Variants in KIF13B observed in about 807,000 individuals in gnomAD.
KIF13B encodes the protein kinesin family member 13B.
A neutral mutation model predicts 222.0 loss-of-function variants in KIF13B; 127 were observed. That is an observed-to-expected ratio of 0.57 (90% confidence interval 0.50 to 0.66). The LOEUF (loss-of-function observed/expected upper bound fraction) is 0.66. KIF13B is among the 30% of genes least tolerant of loss of function. The pLI, the probability that KIF13B is intolerant of heterozygous loss-of-function variation, is 0.00. For synonymous variants in KIF13B, 976 were observed against 919.0 expected (o/e 1.06, Z -1.12); for missense variants, 2,173 against 2,379.0 (o/e 0.91, Z 1.80).
chr8:29,076,408 C>G (rs1277854463), intron 37 of KIF13B, among the ~76,000 whole-genome samples: 2 of 152,226 alleles, frequency 1.3e-5, no homozygotes, highest in African/African-American at 2.4e-5. Flanking sequence ...GTGGACTCCA[C>G]GTCTCCCACC....
intron 36 of KIF13B, among the ~76,000 whole-genome samples, chr8:29,095,769 A>G (rs1323058388): frequency 6.6e-6 from 1 of 152,192 alleles, no homozygotes; most frequent in Non-Finnish European, 1.5e-5. Context: ...CTTCATCTCA[A>G]AAAAACAAAA....
At chr8:29,206,422 T>G (rs566628319) in intron 2 of KIF13B, among the ~76,000 whole-genome samples, 2 of 152,334 alleles carry the variant, frequency 1.3e-5, no homozygotes, top group East Asian at 3.9e-4. Flanking sequence ...AAACTGAAAT[T>G]CACTATAATT....
At chr8:29,162,846 T>C (rs1442639442) in intron 12 of KIF13B, among the ~76,000 whole-genome samples, 2 of 152,238 alleles carry the variant, frequency 1.3e-5, no homozygotes, top group African/African-American at 2.4e-5. Context: ...TTGCTTCTGA[T>C]ATCAGGGGTT....
chr8:29,193,164 G>A (rs1586907338), intron 3 of KIF13B, among the ~76,000 whole-genome samples: 3 of 152,314 alleles, frequency 2.0e-5, no homozygotes, highest in South Asian at 4.1e-4. Flanking sequence ...GGAAGTGAAA[G>A]CAGACCCCCA....
Position 29,071,556 on chromosome 8 carries a change from G to C in KIF13B, c.5218+64C>G. 7.0e-7 allele frequency: 1 copy of C among 1,420,512 alleles called. No homozygotes were observed. Among genetic ancestry groups the C allele is most frequent in the Non-Finnish European group, 9.6e-7 (1 of 1,041,332 alleles). 88.0% of individuals were successfully genotyped at this position (1,420,512 alleles called of 1,614,324 possible). A position where few individuals can be genotyped will look rare whatever the true frequency, so the allele number is the denominator to read the frequency against. ...CCCGGACCCTGTCCCCTCCCAGGCC[G>C]GCCACGTTCCTGCTTCCCCAGACCC... is the stretch of plus-strand genomic sequence containing the variant. On this transcript the variant is annotated intron_variant, in intron 39 of 39. Coordinates refer to ENST00000524189, the MANE Select transcript of KIF13B (RefSeq NM_015254.4). The surrounding 1 kb of genome is among the most constrained non-coding windows in gnomAD (Gnocchi z 4.9).
chr8:29,191,735 T>C (rs1813199232), intron 3 of KIF13B, among the ~76,000 whole-genome samples: 1 of 152,246 alleles, frequency 6.6e-6, no homozygotes, highest in Admixed American at 6.5e-5. Flanking sequence ...ATAGTTCTTT[T>C]GCACTGTTTG....
intron 10 of KIF13B, among the ~76,000 whole-genome samples, chr8:29,173,290 T>C (rs1014040075): frequency 1.3e-5 from 2 of 152,016 alleles, no homozygotes; most frequent in Non-Finnish European, 2.9e-5. Context: ...TCAGGAAATG[T>C]TTCTATGGAA....
At chr8:29,262,743 G>A (rs1816728810) in intron 1 of KIF13B, among the ~76,000 whole-genome samples, 2 of 150,228 alleles carry the variant, frequency 1.3e-5, no homozygotes, top group Admixed American at 1.3e-4. Context: ...GGGCAGCGGG[G>A]CCGGCACGAG....
At chr8:29,108,661 C>A (rs911070406) in intron 34 of KIF13B, among the ~76,000 whole-genome samples, 7 of 152,170 alleles carry the variant, frequency 4.6e-5, no homozygotes. Context: ...ATAAATGAGA[C>A]GTTATCCGCC....
At chr8:29,130,481 T>G (rs1810295708) in intron 24 of KIF13B, 52 bp downstream of exon 24, 15 of 1,591,246 alleles carry the variant, frequency 9.4e-6, no homozygotes. Context: ...GAAGCCAATA[T>G]TAAGCTTTCT....
chr8:29,118,971 T>C lies in KIF13B; in HGVS notation c.3557A>G (p.Asp1186Gly). ...DLNADDFSSQ[D>G]NLDDPEAGGW... ...ACCAGCTTCTGGGTCATCAAGATTATCCTGAGAGCTGAAATCATCAGCTAA... is the reference window on the plus strand; with the variant it reads ...ACCAGCTTCTGGGTCATCAAGATTACCCTGAGAGCTGAAATCATCAGCTAA... Residue 1186 changes from aspartate (D) to glycine (G), a missense_variant, in exon 30 of 40, where the codon GAT becomes GGT. Asp to Gly is a moderately conservative substitution (Grantham distance 94). Around this residue, in one of 2 missense-constraint regions of KIF13B, gnomAD observed 1,480 missense variants for 1,722.8 expected, o/e 0.86. Transcript: ENST00000524189. The C allele has an allele frequency of 1.2e-6, 2 of 1,613,720 alleles. No individual in the cohort carries two copies. Among genetic ancestry groups the C allele is most frequent in the South Asian group, 1.1e-5 (1 of 91,008 alleles).
chr8:29,224,745 C>A (rs1012373908), intron 2 of KIF13B, among the ~76,000 whole-genome samples: 4 of 152,170 alleles, frequency 2.6e-5, no homozygotes, highest in Middle Eastern at 3.4e-3. Context: ...TATGCTACCT[C>A]ATCCACCCTG....
chr8:29,173,414 A>G (rs977959593), intron 10 of KIF13B, among the ~76,000 whole-genome samples: 1 of 151,434 alleles, frequency 6.6e-6, no homozygotes, highest in Non-Finnish European at 1.5e-5. Flanking sequence ...CAAGGCCAGG[A>G]GTTCAAGACC....
At chr8:29,137,664 T>C (rs1425840173) in intron 21 of KIF13B, among the ~76,000 whole-genome samples, 1 of 152,232 alleles carries the variant, frequency 6.6e-6, no homozygotes, top group Non-Finnish European at 1.5e-5. Flanking sequence ...ATAGCTTATT[T>C]GTCCTCGTCC....
chr8:29,098,645 T>G (rs570564615), intron 36 of KIF13B, among the ~76,000 whole-genome samples: 1 of 148,438 alleles, frequency 6.7e-6, no homozygotes, highest in South Asian at 2.1e-4. Flanking sequence ...ATTTAAAATC[T>G]CCCCACAAAG....
intron 1 of KIF13B, among the ~76,000 whole-genome samples, 153 bp from the exon 2 acceptor site, chr8:29,245,592 G>A (rs1382754844): frequency 6.6e-6 from 1 of 152,158 alleles, no homozygotes; most frequent in Non-Finnish European, 1.5e-5. Flanking sequence ...TTGATAAGGA[G>A]CACCAACAAA....
intron 26 of KIF13B, among the ~76,000 whole-genome samples, chr8:29,125,865 T>C (rs1810084486): frequency 6.6e-6 from 1 of 151,936 alleles, no homozygotes; most frequent in Non-Finnish European, 1.5e-5. Context: ...TCCCAACACT[T>C]TGGGAAGCCT....
At chr8:29,120,259 A>C (rs1809803365) in intron 29 of KIF13B, among the ~76,000 whole-genome samples, 1 of 117,234 alleles carries the variant, frequency 8.5e-6, no homozygotes, top group East Asian at 2.6e-4. Context: ...TACATGTGCC[A>C]TGCTGGTGCG....
intron 2 of KIF13B, among the ~76,000 whole-genome samples, chr8:29,239,127 T>C (rs66594408): frequency 0.21 from 32,139 of 152,106 alleles, 4,224 homozygotes; most frequent in East Asian, 0.68. Flanking sequence ...TTAATGTGCA[T>C]ACCCGCCCAG....
Sources: gnomAD v4.1 joint callset for allele counts (sites outside exome capture counted in the v4.1 genomes callset) on GRCh38, gnomAD v4.1.1 for gene constraint, gnomAD v4.1.1 regional missense constraint, Gnocchi (gnomAD v3.1) non-coding constraint, MANE v1.5 for transcripts, NCBI Gene and HGNC (gene_info 2026-07-23, HGNC 2026-07-21) for gene names.